SMARCC1: variants seen among roughly 807,000 people sequenced by gnomAD.
SMARCC1 encodes SWI/SNF related BAF chromatin remodeling complex subunit C1.
A neutral mutation model predicts 147.4 loss-of-function variants in SMARCC1; 43 were observed. That is an observed-to-expected ratio of 0.29 (90% CI 0.23 to 0.38). The LOEUF is 0.38. Among genes scored for constraint, SMARCC1 ranks in the 10% least tolerant of loss-of-function variants. The probability of loss-of-function intolerance (pLI) is 1.00; values close to 1 mark genes in which losing one functional copy is unlikely to be tolerated. For missense variants in SMARCC1, 1,119 were observed against 1,381.1 expected (o/e 0.81, Z 3.01); for synonymous variants, 495 against 484.4 (o/e 1.02, Z -0.29).
At chr3:47,739,538 G>A (rs1210824791) in intron 3 of SMARCC1, among the ~76,000 whole-genome samples, 1 of 152,026 alleles carries the variant, frequency 6.6e-6, no homozygotes, top group Non-Finnish European at 1.5e-5. Context: ...TCACTATGTT[G>A]GTCCAGACTG....
intron 2 of SMARCC1, among the ~76,000 whole-genome samples, chr3:47,769,579 C>T (rs1051969921): frequency 6.6e-6 from 1 of 152,026 alleles, no homozygotes; most frequent in Non-Finnish European, 1.5e-5. Flanking sequence ...CCATCCTCCC[C>T]CACTTAGCTG....
intron 20 of SMARCC1, 42 bp downstream of exon 20, chr3:47,662,291 AC>A: frequency 6.4e-7 from 1 of 1,563,274 alleles, no homozygotes; most frequent in South Asian, 1.2e-5. Flanking sequence ...ATTGGGATAA[AC>A]TGAGTTTTTC....
intron 2 of SMARCC1, among the ~76,000 whole-genome samples, chr3:47,760,130 A>G (rs1328274636): frequency 1.3e-5 from 2 of 152,036 alleles, no homozygotes; most frequent in Admixed American, 6.6e-5. Flanking sequence ...CATGGCTAAC[A>G]TGGTGAAACC....
Position 47,588,227 on chromosome 3 carries a change from T to C in SMARCC1, c.3300A>G (p.Pro1100=), listed in dbSNP as rs370207246. ...TTCCAGGCTAAGGAGCAGCTGAGGC[T>C]GGCGGGCCAGGAGCAGGAGGCGGAG... ...GVPPPPAPGP[P]ASAAP Residue 1100 remains proline, a synonymous_variant, in exon 28 of 28, where the codon CCA becomes CCG. Transcript: ENST00000254480. 2 of 1,613,654 alleles carry C rather than the reference T, an allele frequency of 1.2e-6. No homozygotes were observed. Among genetic ancestry groups the C allele is most frequent in the African/African-American group, 2.7e-5 (2 of 74,912 alleles).
chr3:47,767,091 G>A (rs1174730611), intron 2 of SMARCC1, among the ~76,000 whole-genome samples: 4 of 147,006 alleles, frequency 2.7e-5, no homozygotes, highest in South Asian at 4.4e-4. Context: ...GCTGAGGCAG[G>A]AGAATCGCCT....
intron 5 of SMARCC1, among the ~76,000 whole-genome samples, chr3:47,733,761 G>A (rs1225483406): frequency 6.6e-6 from 1 of 151,152 alleles, no homozygotes; most frequent in Non-Finnish European, 1.5e-5. Context: ...CTACTCGGGA[G>A]GCTGAGGCAA....
At chr3:47,653,082 C>T (rs1047094072) in intron 21 of SMARCC1, among the ~76,000 whole-genome samples, 4 of 151,952 alleles carry the variant, frequency 2.6e-5, no homozygotes, top group African/African-American at 4.8e-5. Flanking sequence ...CTCAGCCTCC[C>T]GAGTAGCTGG....
intron 26 of SMARCC1, among the ~76,000 whole-genome samples, chr3:47,597,792 A>G (rs2032314887): frequency 6.6e-6 from 1 of 152,144 alleles, no homozygotes; most frequent in South Asian, 2.1e-4. Context: ...CATCCTCGGG[A>G]TTGGAGACAG....
chr3:47,657,170 G>C (rs983997695), intron 21 of SMARCC1, among the ~76,000 whole-genome samples: 1 of 152,144 alleles, frequency 6.6e-6, no homozygotes, highest in African/African-American at 2.4e-5. Flanking sequence ...AATAGTTGGA[G>C]ATTTCAATAC....
At chr3:47,675,651 T>C in intron 17 of SMARCC1, 63 bp from the exon 18 acceptor site, 1 of 955,314 alleles carries the variant, frequency 1.0e-6, no homozygotes, top group African/African-American at 1.6e-5. Flanking sequence ...GTAAATGTTT[T>C]TAAAAATTTG....
At chr3:47,701,992 A>G (rs2106788234) in intron 10 of SMARCC1, among the ~76,000 whole-genome samples, 1 of 152,272 alleles carries the variant, frequency 6.6e-6, no homozygotes, top group South Asian at 2.1e-4. Context: ...AATTAGTGTA[A>G]TAAAATAACA....
chr3:47,758,212 T>C (rs545461315), intron 2 of SMARCC1, among the ~76,000 whole-genome samples: 1 of 152,220 alleles, frequency 6.6e-6, no homozygotes, highest in African/African-American at 2.4e-5. Context: ...CTTCAACTCC[T>C]GGGCTCAAGT....
intron 2 of SMARCC1, among the ~76,000 whole-genome samples, chr3:47,763,502 G>T (rs1181267677): frequency 6.6e-6 from 1 of 151,672 alleles, no homozygotes; most frequent in African/African-American, 2.4e-5. Context: ...CATTTTTGTA[G>T]ATATATTAAG....
At chr3:47,774,649 C>T (rs941082100) in intron 1 of SMARCC1, among the ~76,000 whole-genome samples, 2 of 152,020 alleles carry the variant, frequency 1.3e-5, no homozygotes, top group African/African-American at 4.8e-5. Context: ...GATCTCCTGA[C>T]CTCGTGATCC....
intron 15 of SMARCC1, among the ~76,000 whole-genome samples, chr3:47,678,830 T>G (rs2033604310): frequency 6.6e-6 from 1 of 152,236 alleles, no homozygotes; most frequent in Non-Finnish European, 1.5e-5. Context: ...CAGAATTCAA[T>G]GCTGCCAGTG....
chr3:47,589,022 A>G (rs1325468429), intron 27 of SMARCC1, among the ~76,000 whole-genome samples: 3 of 152,228 alleles, frequency 2.0e-5, no homozygotes, highest in African/African-American at 7.2e-5. Flanking sequence ...AGATCTTGTC[A>G]GAATTGAAAA....
intron 11 of SMARCC1, among the ~76,000 whole-genome samples, chr3:47,696,522 ATTTT>A (rs770001733): frequency 1.4e-5 from 2 of 145,458 alleles, no homozygotes. Context: ...AGTGTGAATA[ATTTT>A]TTTTTTTTTT....
In SMARCC1 at chr3:47,683,008, T is replaced by G. The variant is rs182946374; in HGVS notation, c.1386-2500A>C. 1.9e-3 allele frequency among the ~76,000 whole-genome samples: 297 copies of G among 152,372 alleles called. 3 individuals are homozygous for G. Among genetic ancestry groups the G allele is most frequent in the African/African-American group, 6.6e-3 (274 of 41,586 alleles). On this transcript the variant is annotated intron_variant, in intron 14 of 27. Coordinates refer to ENST00000254480, the MANE Select transcript of SMARCC1 (RefSeq NM_003074.4). ...TTATTCTGTTCCAGGTTGTATTTAC[T>G]GAAAACATCCAGAAATAGCATTCGT...
intron 7 of SMARCC1, among the ~76,000 whole-genome samples, chr3:47,720,168 G>A (rs1475956592): frequency 3.9e-5 from 6 of 152,140 alleles, no homozygotes; most frequent in African/African-American, 1.2e-4. Flanking sequence ...CCGTTGCCCA[G>A]GCTGGAGGGA....
Sources: gnomAD v4.1 joint callset for allele counts (sites outside exome capture counted in the v4.1 genomes callset) on GRCh38, gnomAD v4.1.1 for gene constraint, MANE v1.5 for transcripts, NCBI Gene and HGNC (gene_info 2026-07-23, HGNC 2026-07-21) for gene names.